ORC4: variants seen among roughly 807,000 people sequenced by gnomAD.
ORC4 encodes origin recognition complex, subunit 4 homolog.
In ORC4, 55 loss-of-function variants were observed where a neutral mutation model predicts 63.9. The ratio of observed to expected loss-of-function variants is 0.86; its 90% CI spans 0.69 to 1.08. The LOEUF (loss-of-function observed/expected upper bound fraction) is 1.08, where lower values mean the gene tolerates loss of function less well. ORC4 is among the 50% of genes least tolerant of loss of function. The probability of loss-of-function intolerance (pLI) is 0.00; values close to 1 mark genes in which losing one functional copy is unlikely to be tolerated. For missense variants in ORC4, 511 were observed against 504.4 expected (o/e 1.01, Z -0.13); for synonymous variants, 150 against 168.5 (o/e 0.89, Z 0.85).
At position 147,975,938 on chromosome 2, in the gene ORC4, CTT is replaced by C; in HGVS notation, c.19_20del (p.Lys7GlufsTer2). 2 of 1,593,704 alleles carry C rather than the reference CTT, an allele frequency of 1.3e-6. No individual in the cohort carries two copies. Among genetic ancestry groups the C allele is most frequent in the East Asian group, 2.2e-5 (1 of 44,682 alleles). On this transcript the variant is annotated frameshift_variant, in exon 2 of 14. Coordinates refer to ENST00000392857, the MANE Select transcript of ORC4 (RefSeq NM_181741.4). LOFTEE classifies it high-confidence loss of function. MSSRKSKSNSLIHTECL... is the reference protein window; with the variant it reads MSSRKSXSNSLIHTECL... ...ACTCTGTGTGAATTAAGCTGTTACT[CTT>C]TGATTTACGACTGCTCATTTCAACA...
At chr2:148,015,723 G>A (rs1693241913) in intron 1 of ORC4, among the ~76,000 whole-genome samples, 2 of 149,180 alleles carry the variant, frequency 1.3e-5, no homozygotes, top group South Asian at 4.2e-4. Context: ...TATTTATTTT[G>A]GACTATGGAA....
chr2:147,930,856 GTT>G lies in ORC4; in HGVS notation c.*4652_*4653del, dbSNP rs70992181. ...GCATATGCAGTTTTTCTTTAGCTATGTTTTTTTTTTTTTTTATACTTTAAGTT... is the reference window on the plus strand; with the variant it reads ...GCATATGCAGTTTTTCTTTAGCTATGTTTTTTTTTTTTTATACTTTAAGTT... On this transcript the variant is annotated 3_prime_UTR_variant, in exon 14 of 14. Transcript: ENST00000392857. The G allele has an allele frequency of 9.8e-3, 1,400 of 143,530 alleles. 12 individuals are homozygous for G. Among genetic ancestry groups the G allele is most frequent in the African/African-American group, 0.031 (1,208 of 39,336 alleles). 8.9% of individuals were successfully genotyped at this position (143,530 alleles called of 1,614,324 possible). A position where few individuals can be genotyped will look rare whatever the true frequency, so the allele number is the denominator to read the frequency against.
chr2:147,984,189 C>A (rs574928911), intron 1 of ORC4, among the ~76,000 whole-genome samples: 4 of 152,078 alleles, frequency 2.6e-5, no homozygotes, highest in Non-Finnish European at 5.9e-5. Context: ...TGTCTTGTCT[C>A]CCCTTCTACC....
Position 147,948,034 on chromosome 2 carries a change from A to T in ORC4, c.762+17T>A, listed in dbSNP as rs1466471578. 6.3e-7 allele frequency: 1 copy of T among 1,598,574 alleles called. No individual in the cohort carries two copies. Among genetic ancestry groups the T allele is most frequent in the African/African-American group, 1.3e-5 (1 of 74,700 alleles). ...CATATAGCAAGGAACATTTAGCTTT[A>T]TTGCCTTTTAAGATACCTGAACATT... On this transcript the variant is annotated intron_variant, in intron 9 of 13. Coordinates refer to ENST00000392857, the MANE Select transcript of ORC4 (RefSeq NM_181741.4).
rs544612533 is a variant in ORC4 at position 147,954,935 on chromosome 2, G to A, written c.436+412C>T. Among the ~76,000 whole-genome samples, 11 of 152,070 alleles carry A rather than the reference G, an allele frequency of 7.2e-5. No homozygotes were observed. The East Asian group carries it at 1.2e-3, about 16-fold the overall frequency. ...AATTTATCCCAGGAAATATCTGGAT[G>A]ATCATCAAAGTATCTCTTCTTAATT... is the stretch of plus-strand genomic sequence containing the variant. On this transcript the variant is annotated intron_variant, in intron 7 of 13. Transcript: ENST00000392857.
chr2:147,947,098 G>A (rs187019242), intron 9 of ORC4, among the ~76,000 whole-genome samples: 102 of 151,834 alleles, frequency 6.7e-4, no homozygotes, highest in African/African-American at 2.2e-3. Flanking sequence ...AAAAATTCAC[G>A]GTAAAAATAC....
intron 1 of ORC4, among the ~76,000 whole-genome samples, chr2:148,017,729 GA>G (rs1422034596): frequency 2.6e-5 from 4 of 152,164 alleles, no homozygotes; most frequent in Admixed American, 2.6e-4. Context: ...TTGCGGTTAA[GA>G]AAGGTTTATG....
Position 147,943,345 on chromosome 2 carries a change from G to C in ORC4, c.849+91C>G, listed in dbSNP as rs1247464146. On this transcript the variant is annotated intron_variant, in intron 10 of 13. Coordinates refer to ENST00000392857, the MANE Select transcript of ORC4 (RefSeq NM_181741.4). ...GTGGGAGGATGGCTTAAGGCCAGGA[G>C]TTCGCAACCAGTCTGAGCAACAAAG... is the stretch of plus-strand genomic sequence containing the variant. 5 of 833,148 alleles carry C rather than the reference G, an allele frequency of 6.0e-6. No homozygotes were observed. In the East Asian group the frequency reaches 1.3e-4, roughly 21 times the overall value. 51.6% of individuals were successfully genotyped at this position (833,148 alleles called of 1,614,324 possible).
chr2:147,975,933 T>TTAC lies in ORC4; in HGVS notation c.23_25dup (p.Ser8dup). The TTAC allele has an allele frequency of 6.3e-7, 1 of 1,595,774 alleles. No homozygotes were observed. The highest frequency in any genetic ancestry group is 1.1e-5 in the South Asian group (1 of 90,688). On this transcript the variant is annotated inframe_insertion, in exon 2 of 14. Transcript: ENST00000392857. ...AAGGCACTCTGTGTGAATTAAGCTG[T>TTAC]TACTCTTTGATTTACGACTGCTCAT...
intron 4 of ORC4, among the ~76,000 whole-genome samples, chr2:147,966,841 A>AT (rs1241883395): frequency 1.3e-5 from 2 of 152,188 alleles, no homozygotes; most frequent in Admixed American, 6.5e-5. Flanking sequence ...ATTCTTCCTA[A>AT]TTCGTTCTAT....
intron 1 of ORC4, among the ~76,000 whole-genome samples, chr2:147,987,392 AC>A (rs1311056474): frequency 1.0e-5 from 1 of 95,316 alleles, no homozygotes; most frequent in Non-Finnish European, 2.6e-5. Flanking sequence ...GTATATATAT[AC>A]ACACACACAC....
At chr2:148,007,786 T>C (rs1273887092) in intron 1 of ORC4, among the ~76,000 whole-genome samples, 1 of 151,950 alleles carries the variant, frequency 6.6e-6, no homozygotes, top group Non-Finnish European at 1.5e-5. Context: ...AATTAAAGTC[T>C]CAAAAGTAAA....
At chr2:148,010,116 T>G (rs1039138603) in intron 1 of ORC4, among the ~76,000 whole-genome samples, 6 of 152,098 alleles carry the variant, frequency 3.9e-5, no homozygotes, top group African/African-American at 9.7e-5. Flanking sequence ...ATGAAGTAAT[T>G]AAGGAAATTA....
At chr2:147,954,128 T>C (rs962053115) in intron 7 of ORC4, among the ~76,000 whole-genome samples, 4 of 151,838 alleles carry the variant, frequency 2.6e-5, no homozygotes, top group Non-Finnish European at 5.9e-5. Context: ...AAAAACTTTC[T>C]AGATAAACTT....
rs1373900257 is a variant in ORC4, at chr2:147,931,481, A to T, written c.*4029T>A. The T allele has an allele frequency of 2.0e-5, 3 of 152,050 alleles. No homozygotes were observed. Among genetic ancestry groups the T allele is most frequent in the African/African-American group, 7.2e-5 (3 of 41,394 alleles). 9.4% of individuals were successfully genotyped at this position (152,050 alleles called of 1,614,324 possible). On this transcript the variant is annotated 3_prime_UTR_variant, in exon 14 of 14. Transcript: ENST00000392857. ...AGTTTACAGTCCCACCAACAGTGTGAAAGTGTTCCTATTTCTCCACATCCT... is the reference window on the plus strand; with the variant it reads ...AGTTTACAGTCCCACCAACAGTGTGTAAGTGTTCCTATTTCTCCACATCCT...
At position 147,935,267 on chromosome 2, in the gene ORC4, TA is replaced by T. The variant is rs768704038; in HGVS notation, c.*242del. The T allele has an allele frequency of 1.3e-4, 66 of 519,812 alleles. No homozygotes were observed. Among genetic ancestry groups the T allele is most frequent in the Non-Finnish European group, 1.9e-4 (56 of 287,530 alleles). The allele number at this position is 519,812 out of a possible 1,614,324, so 32.2% of individuals were successfully genotyped here. A position where few individuals can be genotyped will look rare whatever the true frequency, so the allele number is the denominator to read the frequency against. ...TTAAAAAAGCACATGGTCTAGTCCC[TA>T]AAACAGTCATATTTTATTCTTCTGA... On this transcript the variant is annotated 3_prime_UTR_variant, in exon 14 of 14. Coordinates refer to ENST00000392857, the MANE Select transcript of ORC4 (RefSeq NM_181741.4).
At chr2:147,945,343 C>T (rs200448318) in intron 9 of ORC4, among the ~76,000 whole-genome samples, 4 of 152,032 alleles carry the variant, frequency 2.6e-5, no homozygotes, top group East Asian at 1.9e-4. Context: ...TAAAAGCTAT[C>T]GCCTTCTTGC....
intron 1 of ORC4, among the ~76,000 whole-genome samples, chr2:148,018,365 T>C (rs1046214219): frequency 5.3e-5 from 8 of 152,294 alleles, no homozygotes; most frequent in South Asian, 2.1e-4. Context: ...GGGGTATACA[T>C]TGGTGTATCT....
intron 1 of ORC4, among the ~76,000 whole-genome samples, chr2:148,009,079 CAG>C (rs1255956979): frequency 6.6e-6 from 1 of 151,984 alleles, no homozygotes; most frequent in Non-Finnish European, 1.5e-5. Flanking sequence ...TCTTTGCAAT[CAG>C]AGTTGTCATC....
Sources: allele counts gnomAD v4.1 joint callset (sites outside exome capture counted in the v4.1 genomes callset), GRCh38; gene constraint gnomAD v4.1.1; transcripts MANE v1.5; gene names NCBI Gene and HGNC (gene_info 2026-07-23, HGNC 2026-07-21).